CACNA2D3: variants seen among roughly 807,000 people sequenced by gnomAD.
CACNA2D3 encodes voltage-dependent calcium channel subunit alpha-2/delta-3.
A neutral mutation model predicts 160.6 loss-of-function variants in CACNA2D3; 60 were observed. The observed-to-expected ratio is 0.37, with a 90% CI of 0.30 to 0.46. The LOEUF (loss-of-function observed/expected upper bound fraction) is 0.46, where lower values mean the gene tolerates loss of function less well. Among genes scored for constraint, CACNA2D3 ranks in the 20% least tolerant of loss-of-function variants. The pLI is 1.00. For missense variants in CACNA2D3, 1,205 were observed against 1,365.0 expected (o/e 0.88, Z 1.85); for synonymous variants, 558 against 492.9 (o/e 1.13, Z -1.75).
chr3:54,893,652 T>C (rs1194693944), intron 25 of CACNA2D3, among the ~76,000 whole-genome samples: 1 of 152,186 alleles, frequency 6.6e-6, no homozygotes, highest in Non-Finnish European at 1.5e-5. Flanking sequence ...CTTGATAATA[T>C]AAAGTTGCTA....
At chr3:54,453,600 C>G (rs1055846648) in intron 4 of CACNA2D3, among the ~76,000 whole-genome samples, 9 of 152,166 alleles carry the variant, frequency 5.9e-5, no homozygotes, top group African/African-American at 2.2e-4. Context: ...GTGAAATATT[C>G]ATGGGTAGTT....
chr3:54,366,812 GGCA>G (rs1377235119), intron 3 of CACNA2D3, among the ~76,000 whole-genome samples: 2 of 152,154 alleles, frequency 1.3e-5, no homozygotes, highest in African/African-American at 4.8e-5. Flanking sequence ...ATGAGAAAAA[GGCA>G]GCTGTTTGCT....
At chr3:54,474,763 A>C (rs1037324550) in intron 4 of CACNA2D3, among the ~76,000 whole-genome samples, 1 of 152,126 alleles carries the variant, frequency 6.6e-6, no homozygotes, top group Non-Finnish European at 1.5e-5. Context: ...ACTTAGAAAA[A>C]TAAGGCAAGT....
intron 5 of CACNA2D3, among the ~76,000 whole-genome samples, chr3:54,508,925 C>G (rs1701413928): frequency 6.6e-6 from 1 of 152,158 alleles, no homozygotes; most frequent in Admixed American, 6.5e-5. Context: ...TCTAAAAAGC[C>G]CAAGAAAAGG....
chr3:54,770,585 G>A (rs1288551919), intron 13 of CACNA2D3, among the ~76,000 whole-genome samples: 1 of 152,094 alleles, frequency 6.6e-6, no homozygotes, highest in Non-Finnish European at 1.5e-5. Context: ...ATTGGCCACA[G>A]CTTAACTGAC....
chr3:54,196,372 G>C (rs1701081148), intron 2 of CACNA2D3, among the ~76,000 whole-genome samples: 1 of 152,166 alleles, frequency 6.6e-6, no homozygotes, highest in Non-Finnish European at 1.5e-5. Flanking sequence ...GGCCTCTTAA[G>C]GGGCAGGAGG....
chr3:54,588,380 T>G (rs1398913577), intron 9 of CACNA2D3, among the ~76,000 whole-genome samples: 1 of 152,208 alleles, frequency 6.6e-6, no homozygotes, highest in Non-Finnish European at 1.5e-5. Flanking sequence ...CAGGGAAAGT[T>G]TGAAAGCTTT....
At chr3:54,261,229 A>C (rs527242269) in intron 2 of CACNA2D3, among the ~76,000 whole-genome samples, 6 of 152,280 alleles carry the variant, frequency 3.9e-5, no homozygotes. Context: ...GAATATTCAC[A>C]TGGATGCTTT....
intron 4 of CACNA2D3, among the ~76,000 whole-genome samples, chr3:54,415,721 C>T (rs780348594): frequency 6.6e-6 from 1 of 152,124 alleles, no homozygotes; most frequent in Non-Finnish European, 1.5e-5. Flanking sequence ...ATACTATTAT[C>T]TCTGTTTTAC....
At chr3:54,599,559 T>G (rs1472024387) in intron 9 of CACNA2D3, among the ~76,000 whole-genome samples, 2 of 152,142 alleles carry the variant, frequency 1.3e-5, no homozygotes, top group African/African-American at 4.8e-5. Flanking sequence ...GTTTCTGTTT[T>G]TTCTTCCCGG....
chr3:54,595,593 C>G (rs1285119041), intron 9 of CACNA2D3, among the ~76,000 whole-genome samples: 8 of 152,096 alleles, frequency 5.3e-5, no homozygotes, highest in Admixed American at 5.2e-4. Flanking sequence ...GTGACAACTG[C>G]TTGGGTCCCA....
intron 13 of CACNA2D3, among the ~76,000 whole-genome samples, chr3:54,804,720 C>T (rs140787230): frequency 6.6e-5 from 10 of 152,302 alleles, no homozygotes; most frequent in African/African-American, 2.4e-4. Flanking sequence ...ATCTACAGAA[C>T]TCTCCACCCC....
chr3:54,165,114 A>ATTTTTTTT (rs397961895), intron 2 of CACNA2D3, among the ~76,000 whole-genome samples: 6 of 117,864 alleles, frequency 5.1e-5, no homozygotes, highest in East Asian at 5.2e-4. Flanking sequence ...TCTGAATCTC[A>ATTTTTTTT]TTTTTTTTTT....
At chr3:54,417,799 G>T (rs377583778) in intron 4 of CACNA2D3, among the ~76,000 whole-genome samples, 84 of 112,576 alleles carry the variant, frequency 7.5e-4, no homozygotes, top group Middle Eastern at 4.2e-3. Flanking sequence ...TGTGTGTGGG[G>T]GGGGGGGTGG....
intron 2 of CACNA2D3, among the ~76,000 whole-genome samples, chr3:54,255,450 C>T (rs938404397): frequency 2.6e-5 from 4 of 152,188 alleles, no homozygotes; most frequent in African/African-American, 7.2e-5. Context: ...TCTACTTCTA[C>T]TTGAAGTAAG....
chr3:54,353,255 A>G (rs1304761572), intron 3 of CACNA2D3, among the ~76,000 whole-genome samples: 1 of 152,178 alleles, frequency 6.6e-6, no homozygotes, highest in Non-Finnish European at 1.5e-5. Flanking sequence ...GGGAAGCAGA[A>G]TTTCTTTGTA....
intron 3 of CACNA2D3, among the ~76,000 whole-genome samples, chr3:54,328,502 G>T (rs545499253): frequency 3.3e-5 from 5 of 151,878 alleles, no homozygotes; most frequent in Non-Finnish European, 7.4e-5. Flanking sequence ...GGCTGGTCTC[G>T]AACTCCTGAC....
At chr3:54,771,178 G>A (rs1015139324) in intron 13 of CACNA2D3, among the ~76,000 whole-genome samples, 2 of 152,100 alleles carry the variant, frequency 1.3e-5, no homozygotes, top group Admixed American at 1.3e-4. Flanking sequence ...ACAGAGAGAG[G>A]GGTCACTAAT....
Position 54,829,325 on chromosome 3 carries a change from G to A in CACNA2D3, c.1399-7834G>A, listed in dbSNP as rs144440512. Among the ~76,000 whole-genome samples the A allele has an allele frequency of 9.4e-4, 143 of 152,260 alleles. 1 individual carries two copies. Among genetic ancestry groups the A allele is most frequent in the African/African-American group, 3.2e-3 (133 of 41,552 alleles). The stretch of plus-strand genomic sequence containing the variant: ...TCTTACTAGATTCTTTCCCTGACAT[G>A]TCTGCCCAGTGTTGAGGATAAGAGA... On this transcript the variant is annotated intron_variant, in intron 14 of 37. Coordinates refer to ENST00000474759, the MANE Select transcript of CACNA2D3 (RefSeq NM_018398.3).
Sources: allele counts gnomAD v4.1 joint callset (sites outside exome capture counted in the v4.1 genomes callset), GRCh38; gene constraint gnomAD v4.1.1; transcripts MANE v1.5; gene names NCBI Gene and HGNC (gene_info 2026-07-23, HGNC 2026-07-21).